DOCK10: variants seen among roughly 807,000 people sequenced by gnomAD.
The protein encoded by DOCK10 is dedicator of cytokinesis protein 10.
A neutral mutation model predicts 280.1 loss-of-function variants in DOCK10; 145 were observed. The observed-to-expected ratio is 0.52, with a 90% CI of 0.45 to 0.59. The LOEUF (loss-of-function observed/expected upper bound fraction) is 0.59, where lower values mean the gene tolerates loss of function less well. DOCK10 is among the 20% of genes least tolerant of loss of function. DOCK10 has a pLI of 0.00. For synonymous variants in DOCK10, 915 were observed against 942.2 expected, an observed-to-expected ratio of 0.97 and a Z score of 0.53; for missense variants, 2,368 against 2,651.7, an observed-to-expected ratio of 0.89 and a Z score of 2.35.
intron 1 of DOCK10, among the ~76,000 whole-genome samples, chr2:224,998,311 A>AAATG (rs58727835): frequency 0.84 from 127,649 of 151,866 alleles, 53,975 homozygotes; most frequent in African/African-American, 0.93. Flanking sequence ...AGCTGCATAA[A>AAATG]AATGAACAAG....
rs753478441 is a variant in DOCK10 at position 225,023,069 on chromosome 2, C to G, written c.123+19183G>C. ...TTTTTTTTTGAGACGGAGTTTCGCT[C>G]TTGTTGTCCAGGCTGGAGTGCAATG... On this transcript the variant is annotated intron_variant, in intron 1 of 55. Coordinates refer to ENST00000258390, the MANE Select transcript of DOCK10 (RefSeq NM_014689.3). 1.6e-4 allele frequency among the ~76,000 whole-genome samples: 24 copies of G among 151,744 alleles called. No homozygotes were observed. The South Asian group carries it at 2.7e-3, about 17-fold the overall frequency.
intron 1 of DOCK10, among the ~76,000 whole-genome samples, chr2:224,938,506 TG>T (rs1702828264): frequency 6.6e-6 from 1 of 152,190 alleles, no homozygotes; most frequent in African/African-American, 2.4e-5. Flanking sequence ...TGACGATTCA[TG>T]GGGTCTTTTG....
chr2:224,953,636 G>A (rs533158480), intron 1 of DOCK10, among the ~76,000 whole-genome samples: 1 of 152,290 alleles, frequency 6.6e-6, no homozygotes, highest in South Asian at 2.1e-4. Context: ...ACAAAACCTC[G>A]TATTTCTAAA....
At chr2:224,783,896 G>C (rs2125058334) in intron 50 of DOCK10, among the ~76,000 whole-genome samples, 2 of 152,236 alleles carry the variant, frequency 1.3e-5, no homozygotes, top group South Asian at 2.1e-4. Context: ...GGCTGAATAT[G>C]GACAATGTGT....
At position 224,982,165 on chromosome 2, in the gene DOCK10, A is replaced by G. The variant is rs937365958; in HGVS notation, c.124-50497T>C. 8.2e-6 allele frequency: 10 copies of G among 1,219,434 alleles called. No individual in the cohort carries two copies. The African/African-American group carries it at 1.6e-4, about 19-fold the overall frequency. 75.5% of individuals were successfully genotyped at this position (1,219,434 alleles called of 1,614,324 possible). ...CCTAAATTGTAACCTCTCTATAATA[A>G]CAGTTCAATCCACTGAGGCTGCTTT... is the stretch of plus-strand genomic sequence containing the variant. On this transcript the variant is annotated intron_variant, in intron 1 of 55. Coordinates refer to ENST00000258390, the MANE Select transcript of DOCK10 (RefSeq NM_014689.3).
At position 224,776,266 on chromosome 2, in the gene DOCK10, G is replaced by T. The variant is rs572198677; in HGVS notation, c.5803-1151C>A. ...GGACCTCCTGAATTTATTTTGTAAT[G>T]CTACTACTAATTACACTGTAAGGCG... On this transcript the variant is annotated intron_variant, in intron 51 of 55. Transcript: ENST00000258390. Among the ~76,000 whole-genome samples the T allele has an allele frequency of 4.6e-5, 7 of 152,252 alleles. No individual in the cohort carries two copies. The South Asian group carries it at 1.5e-3, about 32-fold the overall frequency.
At chr2:224,982,697 C>A (rs1033844984) in intron 1 of DOCK10, among the ~76,000 whole-genome samples, 8 of 152,196 alleles carry the variant, frequency 5.3e-5, no homozygotes, top group Non-Finnish European at 7.4e-5. Context: ...ATGTCTTTCC[C>A]ATTCAGACAC....
In DOCK10 at chr2:224,805,391, T is replaced by G; in HGVS notation, c.3936+17A>C. 6.2e-7 allele frequency: 1 copy of G among 1,612,794 alleles called. No individual in the cohort carries two copies. Among genetic ancestry groups the G allele is most frequent in the Non-Finnish European group, 8.5e-7 (1 of 1,179,172 alleles). ...TCTGCCTTGTAATGATCAGTAGGTTTGAGAGGGAAGTCATACCTTTTCACA... is the reference window on the plus strand; with the variant it reads ...TCTGCCTTGTAATGATCAGTAGGTTGGAGAGGGAAGTCATACCTTTTCACA... On this transcript the variant is annotated intron_variant, in intron 35 of 55. Coordinates refer to ENST00000258390, the MANE Select transcript of DOCK10 (RefSeq NM_014689.3). This position sits in a 1 kb window ranked among gnomAD's most constrained non-coding sequence, Gnocchi z 4.3.
In DOCK10 at chr2:224,795,179, C is replaced by G. The variant is rs16866184; in HGVS notation, c.4939-85G>C. ...TAAGTTATGCTATTAATTATGGCTA[C>G]GCATCACAGTTTGGAGCATTCTATA... is the stretch of plus-strand genomic sequence containing the variant. On this transcript the variant is annotated intron_variant, in intron 44 of 55. Transcript: ENST00000258390. The G allele has an allele frequency of 1.3e-3, 1,602 of 1,218,884 alleles. 15 individuals carry two copies. In the African/African-American group the frequency reaches 0.02, roughly 15 times the overall value. The allele number at this position is 1,218,884 out of a possible 1,614,324, so 75.5% of individuals were successfully genotyped here.
At chr2:224,879,515 T>C (rs1013332425) in intron 7 of DOCK10, among the ~76,000 whole-genome samples, 14 of 152,164 alleles carry the variant, frequency 9.2e-5, no homozygotes, top group Non-Finnish European at 2.1e-4. Flanking sequence ...CCCAGCGCTT[T>C]AGGAGGCCAA....
At chr2:225,024,798 C>T (rs1460874804) in intron 1 of DOCK10, among the ~76,000 whole-genome samples, 1 of 151,370 alleles carries the variant, frequency 6.6e-6, no homozygotes, top group East Asian at 1.9e-4. Flanking sequence ...GGCTGAGGCA[C>T]AAGAATTGCT....
chr2:224,816,916 AG>A (rs1277091110), intron 29 of DOCK10, among the ~76,000 whole-genome samples: 1 of 152,216 alleles, frequency 6.6e-6, no homozygotes, highest in African/African-American at 2.4e-5. Context: ...AGACTGGTCA[AG>A]GCCTCTTCAG....
chr2:225,036,047 C>T (rs1397154527), intron 1 of DOCK10, among the ~76,000 whole-genome samples: 1 of 152,124 alleles, frequency 6.6e-6, no homozygotes, highest in African/African-American at 2.4e-5. Context: ...GTTCATAACA[C>T]ATCTTTCATT....
At chr2:224,875,771 C>T (rs1698588841) in intron 8 of DOCK10, among the ~76,000 whole-genome samples, 1 of 152,130 alleles carries the variant, frequency 6.6e-6, no homozygotes, top group Non-Finnish European at 1.5e-5. Flanking sequence ...GACATGAGCA[C>T]ATTTTGGATG....
intron 55 of DOCK10, among the ~76,000 whole-genome samples, chr2:224,766,727 C>T (rs114748687): frequency 3.5e-4 from 54 of 152,292 alleles, no homozygotes; most frequent in Middle Eastern, 3.4e-3. Flanking sequence ...GAAACAGACT[C>T]CAAATGGGCA....
chr2:224,796,465 AGAAAT>A (rs1692584276), intron 43 of DOCK10, 39 bp from the exon 44 acceptor site: 1 of 1,293,922 alleles, frequency 7.7e-7, no homozygotes, highest in Non-Finnish European at 1.1e-6. Context: ...AAACAAGACC[AGAAAT>A]AGTCTTCTTA....
chr2:224,997,106 T>C (rs1265608984), intron 1 of DOCK10, among the ~76,000 whole-genome samples: 1 of 152,232 alleles, frequency 6.6e-6, no homozygotes, highest in Non-Finnish European at 1.5e-5. Flanking sequence ...AAATCTACTG[T>C]AACCCCCATA....
chr2:224,954,617 C>T (rs1029762495), intron 1 of DOCK10, among the ~76,000 whole-genome samples: 4 of 152,166 alleles, frequency 2.6e-5, no homozygotes, highest in African/African-American at 4.8e-5. Context: ...ATGCCCTTGC[C>T]TCCATCCTCA....
At chr2:224,914,791 A>C (rs1297279158) in intron 3 of DOCK10, among the ~76,000 whole-genome samples, 1 of 152,200 alleles carries the variant, frequency 6.6e-6, no homozygotes, top group East Asian at 1.9e-4. Flanking sequence ...AGAATAAGAT[A>C]AAAATCAAAG....
Sources: allele counts gnomAD v4.1 joint callset (sites outside exome capture counted in the v4.1 genomes callset), GRCh38; gene constraint gnomAD v4.1.1; non-coding constraint Gnocchi (gnomAD v3.1); transcripts MANE v1.5; gene names NCBI Gene and HGNC (gene_info 2026-07-23, HGNC 2026-07-21).